The following MYRFL variants were observed in gnomAD, a reference collection of about 807,000 sequenced individuals.
The protein encoded by MYRFL is myelin regulatory factor like.
In MYRFL, 88 loss-of-function variants were observed where a neutral mutation model predicts 109.4. That is an observed-to-expected ratio of 0.80 (90% CI 0.68 to 0.96). The LOEUF (loss-of-function observed/expected upper bound fraction) is 0.96. Among genes scored for constraint, MYRFL ranks in the 40% least tolerant of loss-of-function variants. MYRFL has a pLI of 0.00. For missense variants in MYRFL, 957 were observed against 954.9 expected (o/e 1.00, Z -0.03); for synonymous variants, 324 against 320.9 (o/e 1.01, Z -0.10).
At chr12:69,866,053 C>T (rs1294329626) in intron 2 of MYRFL, among the ~76,000 whole-genome samples, 2 of 152,048 alleles carry the variant, frequency 1.3e-5, no homozygotes, top group African/African-American at 2.4e-5. Flanking sequence ...TAGGTCAATA[C>T]GTGGCAAAGC....
At chr12:69,844,108 A>T (rs531796399) in intron 1 of MYRFL, among the ~76,000 whole-genome samples, 1 of 152,244 alleles carries the variant, frequency 6.6e-6, no homozygotes, top group Non-Finnish European at 1.5e-5. Flanking sequence ...AAACAATTTT[A>T]TCTGACACTG....
At chr12:69,949,457 C>G (rs903972793) in intron 19 of MYRFL, among the ~76,000 whole-genome samples, 1 of 152,140 alleles carries the variant, frequency 6.6e-6, no homozygotes. Flanking sequence ...GGGCTCCCTC[C>G]CTGCAAGCCT....
At chr12:69,839,903 CTGACCTA>C (rs1249562585) in intron 1 of MYRFL, among the ~76,000 whole-genome samples, 5 of 152,190 alleles carry the variant, frequency 3.3e-5, no homozygotes, top group Non-Finnish European at 7.3e-5. Flanking sequence ...TCCTCAAGAT[CTGACCTA>C]TGCATAGAGG....
At chr12:69,831,269 C>A (rs1231159837) in intron 1 of MYRFL, among the ~76,000 whole-genome samples, 1 of 152,106 alleles carries the variant, frequency 6.6e-6, no homozygotes, top group Admixed American at 6.6e-5. Context: ...GTAACATACT[C>A]TTTTACATAT....
intron 1 of MYRFL, among the ~76,000 whole-genome samples, chr12:69,848,717 C>T (rs1883706258): frequency 6.6e-6 from 1 of 152,110 alleles, no homozygotes; most frequent in Non-Finnish European, 1.5e-5. Context: ...TAACTCTCTT[C>T]ATTTTCTTGA....
chr12:69,916,767 G>A (rs1286570389), intron 13 of MYRFL, among the ~76,000 whole-genome samples: 2 of 152,048 alleles, frequency 1.3e-5, no homozygotes, highest in East Asian at 3.9e-4. Flanking sequence ...ATCCCATGAT[G>A]CCTTCAGTGC....
chr12:69,857,225 C>A lies in MYRFL; in HGVS notation c.137+1855C>A, dbSNP rs574173947. 5.3e-5 allele frequency among the ~76,000 whole-genome samples: 8 copies of A among 151,940 alleles called. No individual in the cohort carries two copies. The South Asian group carries it at 1.7e-3, about 31-fold the overall frequency. On this transcript the variant is annotated intron_variant, in intron 2 of 24. Coordinates refer to ENST00000552032, the MANE Select transcript of MYRFL (RefSeq NM_182530.3). ...CTCTTCATTCCTTTCCATTGATCTA[C>A]GTGCCTATCATTTTGCCAACACAAC...
intron 1 of MYRFL, among the ~76,000 whole-genome samples, chr12:69,846,916 T>A (rs1236970829): frequency 1.3e-5 from 2 of 151,936 alleles, no homozygotes; most frequent in Non-Finnish European, 2.9e-5. Flanking sequence ...GGTATCTCAT[T>A]GTGGTTTTGA....
intron 16 of MYRFL, chr12:69,935,905 T>G: frequency 1.7e-6 from 1 of 597,186 alleles, no homozygotes; most frequent in East Asian, 2.9e-5. Flanking sequence ...CCTAGGAGCC[T>G]CTGAGCTCTT....
intron 2 of MYRFL, among the ~76,000 whole-genome samples, chr12:69,868,088 G>T (rs1241723112): frequency 6.6e-6 from 1 of 151,232 alleles, no homozygotes; most frequent in Non-Finnish European, 1.5e-5. Context: ...ACCCCATCAA[G>T]CCTCGGTTTC....
intron 13 of MYRFL, among the ~76,000 whole-genome samples, chr12:69,924,463 A>T (rs1461568073): frequency 6.6e-6 from 1 of 152,146 alleles, no homozygotes; most frequent in Admixed American, 6.5e-5. Context: ...TTACAGTTGC[A>T]TAGTATACTG....
intron 19 of MYRFL, among the ~76,000 whole-genome samples, chr12:69,948,854 T>C (rs117547899): frequency 0.02 from 2,978 of 152,302 alleles, 45 homozygotes; most frequent in Non-Finnish European, 0.028. Context: ...GGAGTCTAGC[T>C]TCCCATGTTC....
chr12:69,857,817 G>C (rs982781640), intron 2 of MYRFL, among the ~76,000 whole-genome samples: 1 of 151,718 alleles, frequency 6.6e-6, no homozygotes, highest in Non-Finnish European at 1.5e-5. Flanking sequence ...AATTGAGACA[G>C]TTGTATGTCT....
rs183638720 is a variant in MYRFL at position 69,840,492 on chromosome 12, G to C, written c.47-14788G>C. 2.0e-5 allele frequency among the ~76,000 whole-genome samples: 3 copies of C among 152,140 alleles called. No homozygotes were observed. The East Asian group carries it at 5.8e-4, about 29-fold the overall frequency. ...AAAGCTCCTTCCAAATGTCTGCTTG[G>C]GTCTGACATCCCGCTGCAGTGTTCC... On this transcript the variant is annotated intron_variant, in intron 1 of 24. Transcript: ENST00000552032.
chr12:69,944,817 T>C (rs1194054172), intron 19 of MYRFL, among the ~76,000 whole-genome samples: 1 of 152,190 alleles, frequency 6.6e-6, no homozygotes, highest in Non-Finnish European at 1.5e-5. Flanking sequence ...CCAAGGCGTG[T>C]GTATACCTAT....
In MYRFL at chr12:69,952,098, T is replaced by C. The variant is rs546573403; in HGVS notation, c.2225-15T>C. ...GAACAAGCCTTCAAGATTGACAGAC[T>C]TGTTTCCTTTTCAGAAGACAAAAGC... is the stretch of plus-strand genomic sequence containing the variant. On this transcript the variant is annotated splice_polypyrimidine_tract_variant and intron_variant, in intron 19 of 24. Transcript: ENST00000552032. The C allele has an allele frequency of 3.5e-5, 54 of 1,535,980 alleles. No homozygotes were observed. The South Asian group carries it at 6.1e-4, about 17-fold the overall frequency.
At chr12:69,853,069 T>C (rs1883987802) in intron 1 of MYRFL, among the ~76,000 whole-genome samples, 1 of 152,242 alleles carries the variant, frequency 6.6e-6, no homozygotes, top group Admixed American at 6.5e-5. Flanking sequence ...ACCACCATCG[T>C]CATCATGGCC....
chr12:69,873,052 G>A (rs1313261473), intron 2 of MYRFL, among the ~76,000 whole-genome samples: 2 of 152,170 alleles, frequency 1.3e-5, no homozygotes, highest in Non-Finnish European at 2.9e-5. Context: ...GCCTGAAACT[G>A]AGGGTAGTAC....
intron 10 of MYRFL, among the ~76,000 whole-genome samples, chr12:69,900,554 T>C (rs889540947): frequency 6.6e-6 from 1 of 152,170 alleles, no homozygotes; most frequent in Non-Finnish European, 1.5e-5. Flanking sequence ...ATGCTGATAT[T>C]GCTAGCCTGC....
Sources: gnomAD v4.1 joint callset for allele counts (sites outside exome capture counted in the v4.1 genomes callset) on GRCh38, gnomAD v4.1.1 for gene constraint, MANE v1.5 for transcripts, NCBI Gene and HGNC (gene_info 2026-07-23, HGNC 2026-07-21) for gene names.